GAS6: variants seen among roughly 807,000 people sequenced by gnomAD.
GAS6 encodes growth arrest-specific protein 6.
GAS6 carries 41 observed loss-of-function variants against 75.8 expected under a neutral mutation model. The ratio of observed to expected loss-of-function variants is 0.54; its 90% confidence interval spans 0.42 to 0.70. GAS6 has a LOEUF of 0.70. Ranked by LOEUF, GAS6 falls within the 30% of genes least tolerant of loss-of-function variation. The pLI is 0.00. For synonymous variants in GAS6, 432 were observed against 412.6 expected (o/e 1.05, Z -0.57); for missense variants, 854 against 940.2 (o/e 0.91, Z 1.20).
chr13:113,827,117 G>T lies in GAS6; in HGVS notation c.1356C>A (p.Asn452Lys). The T allele has an allele frequency of 6.2e-7, 1 of 1,613,280 alleles. No individual in the cohort carries two copies. The highest frequency in any genetic ancestry group is 8.5e-7 in the Non-Finnish European group (1 of 1,179,876). Residue 452 changes from asparagine (N) to lysine (K), a missense_variant, in exon 12 of 15, where the codon AAC becomes AAA. Physicochemically the swap from Asn to Lys is moderately conservative, Grantham distance 94 (BLOSUM62 0). Coordinates refer to ENST00000327773, the MANE Select transcript of GAS6 (RefSeq NM_000820.4). ...TTTCCTGGATGGTGGTGTCTTCTCCGTTCAGCCAGTTCCAGCTCCTCATGC... is the reference window on the plus strand; with the variant it reads ...TTTCCTGGATGGTGGTGTCTTCTCCTTTCAGCCAGTTCCAGCTCCTCATGC... ...DGCMRSWNWL[N>K]GEDTTIQETV...
chr13:113,830,078 C>T (rs1045991573), intron 10 of GAS6, among the ~76,000 whole-genome samples: 1 of 152,270 alleles, frequency 6.6e-6, no homozygotes, highest in Non-Finnish European at 1.5e-5. Flanking sequence ...GTCACCAAAA[C>T]CTTTCCTCAT....
intron 2 of GAS6, among the ~76,000 whole-genome samples, chr13:113,861,712 GC>G (rs1486612246): frequency 6.6e-6 from 1 of 152,180 alleles, no homozygotes; most frequent in Non-Finnish European, 1.5e-5. Flanking sequence ...CCCTGCCCCT[GC>G]CCCAACCAGG....
intron 8 of GAS6, chr13:113,833,001 C>T (rs1566359852): frequency 1.4e-6 from 2 of 1,411,118 alleles, no homozygotes; most frequent in East Asian, 2.6e-5. Flanking sequence ...CTTCCCTGCT[C>T]ATTTCCCTTG....
At chr13:113,842,234 C>T (rs1216726628) in intron 4 of GAS6, 4 of 170,628 alleles carry the variant, frequency 2.3e-5, no homozygotes, top group Admixed American at 6.8e-5. Flanking sequence ...CAGTTTCCTC[C>T]CTACACCTCC....
chr13:113,820,790 G>T lies in GAS6; in HGVS notation c.*74C>A. 1 of 1,495,248 alleles carries T rather than the reference G, an allele frequency of 6.7e-7. No homozygotes were observed. The highest frequency in any genetic ancestry group is 9.0e-7 in the Non-Finnish European group (1 of 1,105,724). 92.6% of individuals were successfully genotyped at this position (1,495,248 alleles called of 1,614,324 possible). On this transcript the variant is annotated 3_prime_UTR_variant, in exon 15 of 15. Transcript: ENST00000327773. ...AGCCCAGCTCTCAGCATGGCCCCACGTGGTGAGGAGCCCCCAGGCTCCTCC... is the reference window on the plus strand; with the variant it reads ...AGCCCAGCTCTCAGCATGGCCCCACTTGGTGAGGAGCCCCCAGGCTCCTCC...
At chr13:113,847,912 G>A (rs779951991) in intron 3 of GAS6, 114 bp downstream of exon 3, 2 of 972,702 alleles carry the variant, frequency 2.1e-6, no homozygotes, top group Non-Finnish European at 3.3e-6. Context: ...TGCACCATGT[G>A]ATTAAGAATC....
rs376542109 is a variant in GAS6, at chr13:113,834,626, G to A, written c.759C>T (p.Asn253=). ...LQGRCEQVCV[N]SPGSYTCHCD... Reference sequence around the variant, plus strand: ...AGTGGCAGGTGTAGCTCCCTGGGGAGTTCACGCAGACCTGCTCACAGCGGC... The same window carrying A: ...AGTGGCAGGTGTAGCTCCCTGGGGAATTCACGCAGACCTGCTCACAGCGGC... Residue 253 remains asparagine, a synonymous_variant, in exon 8 of 15, where the codon AAC becomes AAT. Coordinates refer to ENST00000327773, the MANE Select transcript of GAS6 (RefSeq NM_000820.4). The A allele has an allele frequency of 2.5e-6, 4 of 1,607,562 alleles. No individual in the cohort carries two copies. The African/African-American group carries it at 5.3e-5, about 21-fold the overall frequency.
Position 113,823,438 on chromosome 13 carries a change from G to C in GAS6, c.1590C>G (p.Leu530=). The C allele has an allele frequency of 1.9e-6, 3 of 1,612,830 alleles. No homozygotes were observed. The highest frequency in any genetic ancestry group is 2.5e-6 in the Non-Finnish European group (3 of 1,179,962). The part of the protein sequence containing the change: ...GVLFALWAPD[L]RAVPLSVALV... The stretch of plus-strand genomic sequence containing the variant: ...GTGCCACAGAGAGAGGCACGGCACG[G>C]AGGTCGGGGGCCCAGAGCGCAAACA... Residue 530 remains leucine (L), a synonymous_variant, in exon 13 of 15, where the codon CTC becomes CTG. Transcript: ENST00000327773.
rs372316727 is a variant in GAS6, at chr13:113,825,555, C to T, written c.1477+1441G>A. 5.6e-3 allele frequency among the ~76,000 whole-genome samples: 851 copies of T among 152,288 alleles called. 6 individuals carry two copies. The highest frequency in any genetic ancestry group is 0.019 in the African/African-American group (802 of 41,578). ...TCTGTCCGGATAGACCAAAAAGGGC[C>T]GGCAGACGCGGCCGGCAGTCACTGG... On this transcript the variant is annotated intron_variant, in intron 12 of 14. Transcript: ENST00000327773.
intron 2 of GAS6, among the ~76,000 whole-genome samples, chr13:113,859,738 AT>A (rs140676552): frequency 0.095 from 14,499 of 152,010 alleles, 909 homozygotes; most frequent in East Asian, 0.17. Context: ...GCTGGTGTCC[AT>A]GTGTGAATGT....
chr13:113,820,611 A>G lies in GAS6; in HGVS notation c.*253T>C. On this transcript the variant is annotated 3_prime_UTR_variant, in exon 15 of 15. Coordinates refer to ENST00000327773, the MANE Select transcript of GAS6 (RefSeq NM_000820.4). ...TTAGAGTCAGAAAGAAGCGCTTGGTAATAAAAATAATAGAGAATTATTTTC... is the reference window on the plus strand; with the variant it reads ...TTAGAGTCAGAAAGAAGCGCTTGGTGATAAAAATAATAGAGAATTATTTTC... The G allele has an allele frequency of 2.1e-6, 1 of 471,892 alleles. No homozygotes were observed. The allele number at this position is 471,892 out of a possible 1,614,324, so 29.2% of individuals were successfully genotyped here. A position where few individuals can be genotyped will look rare whatever the true frequency, so the allele number is the denominator to read the frequency against.
intron 2 of GAS6, among the ~76,000 whole-genome samples, chr13:113,857,143 C>T (rs897269482): frequency 6.6e-6 from 1 of 152,144 alleles, no homozygotes; most frequent in Non-Finnish European, 1.5e-5. Flanking sequence ...TAGGCACTAA[C>T]ACTGGAAGGA....
chr13:113,823,677 G>A, intron 12 of GAS6, 127 bp from the exon 13 acceptor site: 1 of 901,062 alleles, frequency 1.1e-6, no homozygotes, highest in Non-Finnish European at 1.6e-6. Flanking sequence ...CCCGGATCTG[G>A]GACGTGATGG....
Position 113,863,881 on chromosome 13 carries a change from G to A in GAS6, c.40C>T (p.Arg14Cys). The part of the protein sequence containing the change: ...SLSPGPAALR[R>C]APQLLLLLLA... ...AGCAGCAGCAGCAGCTGCGGCGCGC[G>A]GCGCAGGGCGGCGGGCCCGGGCGAG... The change falls in exon 1 of 15, where the codon CGC becomes TGC. Residue 14 changes from arginine to cysteine, a missense_variant. By Grantham distance (180) the Arg-to-Cys change is radical. Transcript: ENST00000327773. The surrounding 1 kb of genome is among the most constrained non-coding windows in gnomAD (Gnocchi z 9.4). 1 of 1,203,766 alleles carries A rather than the reference G, an allele frequency of 8.3e-7. No individual in the cohort carries two copies. Among genetic ancestry groups the A allele is most frequent in the Non-Finnish European group, 1.0e-6 (1 of 972,364 alleles). 74.6% of individuals were successfully genotyped at this position (1,203,766 alleles called of 1,614,324 possible).
chr13:113,828,650 TTCATGACAGCA>T lies in GAS6; in HGVS notation c.1194_1204del (p.Asp398GlufsTer29). The T allele has an allele frequency of 6.2e-7, 1 of 1,613,606 alleles. No homozygotes were observed. The highest frequency in any genetic ancestry group is 8.5e-7 in the Non-Finnish European group (1 of 1,179,986). On this transcript the variant is annotated frameshift_variant, in exon 11 of 15. Coordinates refer to ENST00000327773, the MANE Select transcript of GAS6 (RefSeq NM_000820.4). Reference sequence around the variant, plus strand: ...GAACAAGTCCCCGGCCACCGCGATTTTCATGACAGCATCCCTGTTGACCTTGATGACCAGAT... The same window carrying T: ...GAACAAGTCCCCGGCCACCGCGATTTTCCCTGTTGACCTTGATGACCAGAT...
At position 113,833,123 on chromosome 13, in the gene GAS6, T is replaced by G. The variant is rs1203210963; in HGVS notation, c.835-371A>C. The stretch of plus-strand genomic sequence containing the variant: ...ATGGATGCCTTGAAGATGGCTGTCC[T>G]GGAAAGTTCCCTGTTCTGGGCTGTG... On this transcript the variant is annotated intron_variant, in intron 8 of 14. Coordinates refer to ENST00000327773, the MANE Select transcript of GAS6 (RefSeq NM_000820.4). 8.5e-6 allele frequency: 10 copies of G among 1,170,352 alleles called. No individual in the cohort carries two copies. The African/African-American group carries it at 1.1e-4, about 13-fold the overall frequency. The allele number at this position is 1,170,352 out of a possible 1,614,324, so 72.5% of individuals were successfully genotyped here.
Position 113,840,933 on chromosome 13 carries a change from T to C in GAS6, c.344-1083A>G, listed in dbSNP as rs146418218. 249 of 152,380 alleles carry C rather than the reference T, an allele frequency of 1.6e-3. 1 individual carries two copies. Among genetic ancestry groups the C allele is most frequent in the Middle Eastern group, 0.01 (3 of 298 alleles). 9.4% of individuals were successfully genotyped at this position (152,380 alleles called of 1,614,324 possible). On this transcript the variant is annotated intron_variant, in intron 4 of 14. Coordinates refer to ENST00000327773, the MANE Select transcript of GAS6 (RefSeq NM_000820.4). ...AATAAGGACCAGTCCCTGGGAAAAGTGCAGGCCGGGCCAGCAGGGCCCTAG... is the reference window on the plus strand; with the variant it reads ...AATAAGGACCAGTCCCTGGGAAAAGCGCAGGCCGGGCCAGCAGGGCCCTAG...
chr13:113,837,938 T>C lies in GAS6; in HGVS notation c.589+131A>G. The C allele has an allele frequency of 9.0e-7, 1 of 1,106,124 alleles. No individual in the cohort carries two copies. Among genetic ancestry groups the C allele is most frequent in the South Asian group, 1.4e-5 (1 of 69,062 alleles). 68.5% of individuals were successfully genotyped at this position (1,106,124 alleles called of 1,614,324 possible). A position where few individuals can be genotyped will look rare whatever the true frequency, so the allele number is the denominator to read the frequency against. ...GGCTGGCCTGGGCTTGTGTAGTCTCTGCAGGATGCCCCATCCCATCCAGAA... is the reference window on the plus strand; with the variant it reads ...GGCTGGCCTGGGCTTGTGTAGTCTCCGCAGGATGCCCCATCCCATCCAGAA... On this transcript the variant is annotated intron_variant, in intron 6 of 14. Transcript: ENST00000327773. This position sits in a 1 kb window ranked among gnomAD's most constrained non-coding sequence, Gnocchi z 5.1.
At position 113,826,527 on chromosome 13, in the gene GAS6, G is replaced by C. The variant is rs112471421; in HGVS notation, c.1477+469C>G. Among the ~76,000 whole-genome samples, 378 of 76,380 alleles carry C rather than the reference G, an allele frequency of 4.9e-3. 27 individuals carry two copies. The highest frequency in any genetic ancestry group is 0.02 in the Middle Eastern group (2 of 102). 50.1% of individuals were successfully genotyped at this position (76,380 alleles called of 152,430 possible). A position where few individuals can be genotyped will look rare whatever the true frequency, so the allele number is the denominator to read the frequency against. ...GGCCTCGCAGGCACCTTCTCTCCCCGGCCTCCCGGCGCCGGCCTCGCAGGC... is the reference window on the plus strand; with the variant it reads ...GGCCTCGCAGGCACCTTCTCTCCCCCGCCTCCCGGCGCCGGCCTCGCAGGC... On this transcript the variant is annotated intron_variant, in intron 12 of 14. Transcript: ENST00000327773.
Sources: gnomAD v4.1 joint callset for allele counts (sites outside exome capture counted in the v4.1 genomes callset) on GRCh38, gnomAD v4.1.1 for gene constraint, Gnocchi (gnomAD v3.1) non-coding constraint, MANE v1.5 for transcripts, NCBI Gene and HGNC (gene_info 2026-07-23, HGNC 2026-07-21) for gene names.